CLSTN2: variants seen among roughly 807,000 people sequenced by gnomAD.
The protein encoded by CLSTN2 is calsyntenin 2.
Under a neutral mutation model 101.2 loss-of-function variants are expected in CLSTN2, and 48 were observed. The observed-to-expected ratio is 0.47, with a 90% CI of 0.38 to 0.60. The LOEUF (loss-of-function observed/expected upper bound fraction) is 0.60, where lower values mean the gene tolerates loss of function less well. Among genes scored for constraint, CLSTN2 ranks in the 20% least tolerant of loss-of-function variants. The pLI is 0.00. For missense variants in CLSTN2, 1,160 were observed against 1,238.2 expected (o/e 0.94, Z 0.95); for synonymous variants, 481 against 463.6 (o/e 1.04, Z -0.48).
chr3:140,327,107 A>C (rs1337625212), intron 2 of CLSTN2, among the ~76,000 whole-genome samples: 4 of 152,256 alleles, frequency 2.6e-5, no homozygotes, highest in African/African-American at 9.6e-5. Context: ...GACAGAATAC[A>C]AAGAGACAAG....
At chr3:140,279,542 A>C (rs1016917082) in intron 2 of CLSTN2, among the ~76,000 whole-genome samples, 4 of 152,234 alleles carry the variant, frequency 2.6e-5, no homozygotes, top group Non-Finnish European at 5.9e-5. Flanking sequence ...TTGCTCTGCC[A>C]AGTGACCAGT....
chr3:139,959,899 T>C (rs931457129), intron 1 of CLSTN2, among the ~76,000 whole-genome samples: 9 of 152,030 alleles, frequency 5.9e-5, no homozygotes. Context: ...TGTCTTTGAC[T>C]GAGCTAACCT....
At chr3:139,971,363 G>T (rs972019156) in intron 1 of CLSTN2, among the ~76,000 whole-genome samples, 2 of 152,182 alleles carry the variant, frequency 1.3e-5, no homozygotes, top group Admixed American at 6.5e-5. Flanking sequence ...TTTCATTTCT[G>T]GTGTATTCAA....
chr3:140,458,865 G>A, intron 6 of CLSTN2, among the ~76,000 whole-genome samples: 1 of 152,218 alleles, frequency 6.6e-6, no homozygotes, highest in East Asian at 1.9e-4. Flanking sequence ...CACAAAGCTA[G>A]CAAATTTTGC....
At chr3:140,103,866 T>C (rs16849851) in intron 1 of CLSTN2, among the ~76,000 whole-genome samples, 50,806 of 152,086 alleles carry the variant, frequency 0.33, 10,008 homozygotes, top group East Asian at 0.56. Flanking sequence ...AAAAGGGATT[T>C]GCAAGACAAG....
intron 1 of CLSTN2, among the ~76,000 whole-genome samples, chr3:140,081,422 TGAAAG>T (rs1450824345): frequency 2.0e-5 from 3 of 152,208 alleles, no homozygotes; most frequent in African/African-American, 7.2e-5. Context: ...GTTAAACACT[TGAAAG>T]GGATAAAGAT....
At chr3:140,190,797 A>C (rs1248462113) in intron 2 of CLSTN2, among the ~76,000 whole-genome samples, 1 of 152,108 alleles carries the variant, frequency 6.6e-6, no homozygotes, top group African/African-American at 2.4e-5. Flanking sequence ...GCTGAATTTA[A>C]TAGTTCTAGA....
At chr3:140,349,828 G>C (rs751891242) in intron 2 of CLSTN2, among the ~76,000 whole-genome samples, 5 of 152,082 alleles carry the variant, frequency 3.3e-5, no homozygotes, top group Non-Finnish European at 7.4e-5. Flanking sequence ...TGCTAGCATG[G>C]AGTGAGCACC....
chr3:140,141,330 T>C (rs1458955088), intron 1 of CLSTN2, among the ~76,000 whole-genome samples: 1 of 152,186 alleles, frequency 6.6e-6, no homozygotes, highest in African/African-American at 2.4e-5. Flanking sequence ...GTTCTGCCTC[T>C]TGCTTTGACC....
At chr3:140,155,753 C>T (rs974747043) in intron 1 of CLSTN2, among the ~76,000 whole-genome samples, 1 of 152,174 alleles carries the variant, frequency 6.6e-6, no homozygotes, top group Non-Finnish European at 1.5e-5. Flanking sequence ...TGCTGAGTGA[C>T]CACTCTTAGC....
rs185055182 is a variant in CLSTN2, at chr3:140,443,125, C to T, written c.788-5394C>T. On this transcript the variant is annotated intron_variant, in intron 5 of 16. Transcript: ENST00000458420. The stretch of plus-strand genomic sequence containing the variant: ...ACTCCCCGGTATCCCAATATCCAGC[C>T]ACTCACTTTGTGTAAATCCAGCAAT... Among the ~76,000 whole-genome samples, 275 of 152,352 alleles carry T rather than the reference C, an allele frequency of 1.8e-3. 1 individual carries two copies. The highest frequency in any genetic ancestry group is 3.0e-3 in the Non-Finnish European group (207 of 68,036).
At chr3:140,435,356 A>T (rs1244565758) in intron 5 of CLSTN2, among the ~76,000 whole-genome samples, 1 of 152,192 alleles carries the variant, frequency 6.6e-6, no homozygotes, top group Non-Finnish European at 1.5e-5. Context: ...ACTTAACATA[A>T]TGATCTCCAG....
chr3:140,321,599 C>T (rs377543243), intron 2 of CLSTN2, among the ~76,000 whole-genome samples: 20 of 152,194 alleles, frequency 1.3e-4, no homozygotes, highest in African/African-American at 2.2e-4. Context: ...TTTTGCTGCA[C>T]ATTTTAGCAG....
At chr3:140,289,554 G>A (rs2086929943) in intron 2 of CLSTN2, among the ~76,000 whole-genome samples, 1 of 151,976 alleles carries the variant, frequency 6.6e-6, no homozygotes, top group African/African-American at 2.4e-5. Flanking sequence ...GCATTAACTG[G>A]GTCTCTGACC....
intron 2 of CLSTN2, among the ~76,000 whole-genome samples, chr3:140,346,742 T>G (rs1057416376): frequency 6.6e-6 from 1 of 152,212 alleles, no homozygotes; most frequent in African/African-American, 2.4e-5. Flanking sequence ...CATCTCATGG[T>G]GCGCCCCTGC....
intron 2 of CLSTN2, among the ~76,000 whole-genome samples, chr3:140,183,496 T>C (rs1486055110): frequency 6.6e-6 from 1 of 152,124 alleles, no homozygotes; most frequent in African/African-American, 2.4e-5. Context: ...GGACTCTGAG[T>C]TAATGACAAT....
intron 1 of CLSTN2, among the ~76,000 whole-genome samples, chr3:140,064,749 T>A (rs929559037): frequency 5.3e-5 from 8 of 152,120 alleles, no homozygotes; most frequent in Non-Finnish European, 1.0e-4. Flanking sequence ...GAGAATAACA[T>A]TAGAATTTAT....
chr3:139,961,905 T>C (rs1359102456), intron 1 of CLSTN2, among the ~76,000 whole-genome samples: 1 of 152,166 alleles, frequency 6.6e-6, no homozygotes, highest in African/African-American at 2.4e-5. Flanking sequence ...ATTTACAATT[T>C]ATATCTTAGT....
intron 1 of CLSTN2, among the ~76,000 whole-genome samples, chr3:140,001,244 T>C (rs1052413147): frequency 2.4e-4 from 36 of 152,234 alleles, no homozygotes; most frequent in African/African-American, 8.4e-4. Flanking sequence ...CCCACAGAGC[T>C]CTTGTGCTCT....
Sources: gnomAD v4.1 joint callset for allele counts (sites outside exome capture counted in the v4.1 genomes callset) on GRCh38, gnomAD v4.1.1 for gene constraint, MANE v1.5 for transcripts, NCBI Gene and HGNC (gene_info 2026-07-23, HGNC 2026-07-21) for gene names.